Variants in EIF2B3 observed in about 807,000 individuals in gnomAD.
EIF2B3 encodes the protein translation initiation factor eIF2B subunit gamma.
A neutral mutation model predicts 54.1 loss-of-function variants in EIF2B3; 20 were observed. The ratio of observed to expected loss-of-function variants is 0.37; its 90% CI spans 0.26 to 0.54. The LOEUF (loss-of-function observed/expected upper bound fraction) is 0.54, where lower values mean the gene tolerates loss of function less well. Ranked by LOEUF, EIF2B3 falls within the 20% of genes least tolerant of loss-of-function variation. The probability of loss-of-function intolerance (pLI) is 0.86; values close to 1 mark genes in which losing one functional copy is unlikely to be tolerated. For missense variants in EIF2B3, 448 were observed against 547.8 expected (o/e 0.82, Z 1.82); for synonymous variants, 153 against 188.1 (o/e 0.81, Z 1.52).
intron 10 of EIF2B3, among the ~76,000 whole-genome samples, chr1:44,869,695 G>A (rs1248508320): frequency 6.8e-6 from 1 of 147,242 alleles, no homozygotes; most frequent in Non-Finnish European, 1.5e-5. Context: ...CTGCCTGCCG[G>A]GTTCAAGCGA....
At position 44,968,738 on chromosome 1, in the gene EIF2B3, A is replaced by C. The variant is rs577430620; in HGVS notation, c.294+9577T>G. Among the ~76,000 whole-genome samples the C allele has an allele frequency of 5.9e-5, 9 of 152,226 alleles. No homozygotes were observed. In the South Asian group the frequency reaches 1.2e-3, roughly 21 times the overall value. ...ATGGTGAAGCCCCGTCTCTACTAAAAATACAAAAATTAGCCAGGCATGGTG... is the reference window on the plus strand; with the variant it reads ...ATGGTGAAGCCCCGTCTCTACTAAACATACAAAAATTAGCCAGGCATGGTG... On this transcript the variant is annotated intron_variant, in intron 3 of 11. Coordinates refer to ENST00000360403, the MANE Select transcript of EIF2B3 (RefSeq NM_020365.5).
At chr1:44,897,901 T>C (rs141842928) in intron 5 of EIF2B3, among the ~76,000 whole-genome samples, 2,263 of 152,096 alleles carry the variant, frequency 0.015, 65 homozygotes, top group African/African-American at 0.052. Context: ...CATGCCCAGC[T>C]AATTTTTGTA....
At chr1:44,926,536 C>T in intron 5 of EIF2B3, 92 bp downstream of exon 5, 1 of 977,958 alleles carries the variant, frequency 1.0e-6, no homozygotes, top group Non-Finnish European at 1.6e-6. Flanking sequence ...ACAGTATAGT[C>T]TAGTTTTCAT....
At chr1:44,948,954 G>A (rs1644133234) in intron 3 of EIF2B3, among the ~76,000 whole-genome samples, 1 of 151,756 alleles carries the variant, frequency 6.6e-6, no homozygotes, top group South Asian at 2.1e-4. Flanking sequence ...TGCAACCTCC[G>A]CCCCCCGAGG....
chr1:44,881,554 C>T lies in EIF2B3; in HGVS notation c.784+58G>A. ...TGGGCTGGGCTAAGCTGCCCAACCA[C>T]TCTTTCCAAAGGTGCTGCTACCCTT... On this transcript the variant is annotated intron_variant, in intron 7 of 11. Transcript: ENST00000360403. This position sits in a 1 kb window ranked among gnomAD's most constrained non-coding sequence, Gnocchi z 4.0. The T allele has an allele frequency of 6.2e-7, 1 of 1,608,552 alleles. No homozygotes were observed. The highest frequency in any genetic ancestry group is 2.2e-5 in the East Asian group (1 of 44,660).
At chr1:44,903,157 C>T (rs1569670987) in intron 5 of EIF2B3, among the ~76,000 whole-genome samples, 2 of 151,916 alleles carry the variant, frequency 1.3e-5, no homozygotes, top group African/African-American at 4.8e-5. Context: ...GAACACTGTA[C>T]AAAACATCTG....
intron 6 of EIF2B3, among the ~76,000 whole-genome samples, chr1:44,882,983 G>A (rs541786494): frequency 3.7e-4 from 52 of 139,084 alleles, no homozygotes; most frequent in Non-Finnish European, 7.0e-4. Flanking sequence ...AGGCTGGAGT[G>A]TAGCGGTGCG....
intron 6 of EIF2B3, among the ~76,000 whole-genome samples, chr1:44,883,412 G>A (rs971424688): frequency 6.6e-6 from 1 of 152,118 alleles, no homozygotes; most frequent in Non-Finnish European, 1.5e-5. Flanking sequence ...AGTTACTCCT[G>A]TAAGTAACAT....
At chr1:44,895,855 C>T (rs1286242358) in intron 6 of EIF2B3, among the ~76,000 whole-genome samples, 1 of 152,190 alleles carries the variant, frequency 6.6e-6, no homozygotes, top group Non-Finnish European at 1.5e-5. Context: ...TTTAAAAAGT[C>T]ATCCTTTCTA....
intron 1 of EIF2B3, among the ~76,000 whole-genome samples, chr1:44,985,873 A>C (rs1323340814): frequency 6.6e-6 from 1 of 152,100 alleles, no homozygotes; most frequent in East Asian, 1.9e-4. Flanking sequence ...TGCCTTTTCC[A>C]GTTGTAAATA....
intron 5 of EIF2B3, among the ~76,000 whole-genome samples, chr1:44,898,623 T>C (rs942789919): frequency 2.0e-5 from 3 of 152,058 alleles, no homozygotes; most frequent in Non-Finnish European, 2.9e-5. Context: ...ATTCCAGTCA[T>C]AGATGCCTGG....
At chr1:44,962,870 A>G (rs1644299613) in intron 3 of EIF2B3, among the ~76,000 whole-genome samples, 1 of 152,222 alleles carries the variant, frequency 6.6e-6, no homozygotes, top group Non-Finnish European at 1.5e-5. Flanking sequence ...GCCTCACAGT[A>G]TAGCAACAAT....
At chr1:44,851,065 A>G in intron 11 of EIF2B3, 62 bp from the exon 12 acceptor site, 1 of 1,540,732 alleles carries the variant, frequency 6.5e-7, no homozygotes, top group Non-Finnish European at 8.9e-7. Flanking sequence ...TTCAAACCCA[A>G]CTGCTTTTTT....
chr1:44,872,019 G>A (rs1336122569), intron 10 of EIF2B3, among the ~76,000 whole-genome samples: 1 of 151,786 alleles, frequency 6.6e-6, no homozygotes, highest in Non-Finnish European at 1.5e-5. Context: ...ACACCACCAT[G>A]CTCAACTAAT....
intron 5 of EIF2B3, among the ~76,000 whole-genome samples, chr1:44,915,113 A>T (rs189669587): frequency 9.0e-4 from 137 of 151,746 alleles, no homozygotes; most frequent in African/African-American, 3.1e-3. Context: ...AGCCTGGCCA[A>T]CATGGTGAAA....
intron 6 of EIF2B3, among the ~76,000 whole-genome samples, chr1:44,886,830 G>A (rs1169545550): frequency 6.6e-6 from 1 of 152,118 alleles, no homozygotes; most frequent in Non-Finnish European, 1.5e-5. Context: ...AGGCATCCTT[G>A]GAGTCTTTCT....
At chr1:44,914,481 G>A (rs1488973553) in intron 5 of EIF2B3, among the ~76,000 whole-genome samples, 2 of 151,906 alleles carry the variant, frequency 1.3e-5, no homozygotes, top group Non-Finnish European at 2.9e-5. Flanking sequence ...TTAAAATACA[G>A]AAAAGTACAA....
chr1:44,960,663 C>T lies in EIF2B3; in HGVS notation c.294+17652G>A, dbSNP rs967943532. 2.0e-5 allele frequency among the ~76,000 whole-genome samples: 3 copies of T among 151,890 alleles called. No individual in the cohort carries two copies. In the East Asian group the frequency reaches 5.8e-4, roughly 29 times the overall value. On this transcript the variant is annotated intron_variant, in intron 3 of 11. Coordinates refer to ENST00000360403, the MANE Select transcript of EIF2B3 (RefSeq NM_020365.5). ...AAAAAAAAAAGACAAAAAACCAATACTGGATAACAACTATTTGGATAGCAT... is the reference window on the plus strand; with the variant it reads ...AAAAAAAAAAGACAAAAAACCAATATTGGATAACAACTATTTGGATAGCAT...
intron 3 of EIF2B3, among the ~76,000 whole-genome samples, chr1:44,962,361 GTTC>G (rs1427419511): frequency 6.6e-6 from 1 of 152,108 alleles, no homozygotes; most frequent in East Asian, 1.9e-4. Flanking sequence ...GCTATAATCA[GTTC>G]TTCTAATCTA....
Sources: allele counts gnomAD v4.1 joint callset (sites outside exome capture counted in the v4.1 genomes callset), GRCh38; gene constraint gnomAD v4.1.1; non-coding constraint Gnocchi (gnomAD v3.1); transcripts MANE v1.5; gene names NCBI Gene and HGNC (gene_info 2026-07-23, HGNC 2026-07-21).